THRB: variants seen among roughly 807,000 people sequenced by gnomAD.
THRB encodes thyroid hormone receptor beta, also known as nuclear receptor subfamily 1 group A member 2.
THRB carries 12 observed loss-of-function variants against 47.8 expected under a neutral mutation model. That is an observed-to-expected ratio of 0.25 (90% confidence interval 0.16 to 0.41). The LOEUF (loss-of-function observed/expected upper bound fraction) is 0.41, where lower values mean the gene tolerates loss of function less well. THRB is among the 10% of genes least tolerant of loss of function. THRB has a pLI of 1.00. For synonymous variants in THRB, 218 were observed against 212.2 expected (o/e 1.03, Z -0.24); for missense variants, 348 against 589.2 (o/e 0.59, Z 4.24).
intron 2 of THRB, among the ~76,000 whole-genome samples, chr3:24,297,669 G>A (rs2056562344): frequency 6.6e-6 from 1 of 152,242 alleles, no homozygotes; most frequent in Non-Finnish European, 1.5e-5. Flanking sequence ...CTCGCCTGCT[G>A]TTAAGTAGCT....
At chr3:24,188,216 T>C (rs533527434) in intron 5 of THRB, among the ~76,000 whole-genome samples, 1 of 152,350 alleles carries the variant, frequency 6.6e-6, no homozygotes, top group South Asian at 2.1e-4. Flanking sequence ...AAAGTATTTA[T>C]ATGACTTAAT....
At chr3:24,221,586 T>TTGTAAAGGGTGCCTTC (rs1366237105) in intron 4 of THRB, among the ~76,000 whole-genome samples, 5 of 152,098 alleles carry the variant, frequency 3.3e-5, no homozygotes, top group Admixed American at 3.3e-4. Flanking sequence ...GAAGCCAGCT[T>TTGTAAAGGGTGCCTTC]TGTAAAGGGT....
At chr3:24,199,637 A>C in intron 4 of THRB, among the ~76,000 whole-genome samples, 1 of 152,226 alleles carries the variant, frequency 6.6e-6, no homozygotes. Context: ...TGACTGCAGA[A>C]ACCTGAAATA....
chr3:24,368,562 G>T (rs2064659901), intron 1 of THRB, among the ~76,000 whole-genome samples: 1 of 152,172 alleles, frequency 6.6e-6, no homozygotes, highest in African/African-American at 2.4e-5. Flanking sequence ...GCTCTTTTGG[G>T]TGCGACAACT....
At chr3:24,160,425 C>G (rs2038623571) in intron 5 of THRB, among the ~76,000 whole-genome samples, 2 of 152,100 alleles carry the variant, frequency 1.3e-5, no homozygotes. Flanking sequence ...GAGGGTGAAC[C>G]TGGAGGGAAG....
At chr3:24,208,647 T>G (rs1312185534) in intron 4 of THRB, among the ~76,000 whole-genome samples, 2 of 152,226 alleles carry the variant, frequency 1.3e-5, no homozygotes, top group Admixed American at 1.3e-4. Flanking sequence ...GGTAGCCATA[T>G]GTAGAAAGCT....
chr3:24,125,963 C>A (rs1453712610), intron 10 of THRB, among the ~76,000 whole-genome samples: 1 of 152,046 alleles, frequency 6.6e-6, no homozygotes, highest in Non-Finnish European at 1.5e-5. Flanking sequence ...CCACAGTGTA[C>A]ATGGGAGTTC....
intron 4 of THRB, among the ~76,000 whole-genome samples, chr3:24,208,522 C>T (rs1449782436): frequency 6.6e-6 from 1 of 152,126 alleles, no homozygotes; most frequent in Non-Finnish European, 1.5e-5. Context: ...TGGAACAGAA[C>T]AGAGCCCTCA....
At chr3:24,296,746 G>A (rs139329055) in intron 3 of THRB, among the ~76,000 whole-genome samples, 1 of 152,292 alleles carries the variant, frequency 6.6e-6, no homozygotes, top group Admixed American at 6.5e-5. Context: ...CACCAAGGAG[G>A]GGGAGGATGT....
intron 4 of THRB, among the ~76,000 whole-genome samples, chr3:24,192,036 A>G (rs111789160): frequency 2.1e-3 from 320 of 152,252 alleles, no homozygotes; most frequent in African/African-American, 7.4e-3. Context: ...ATATAAACAT[A>G]GATTCTTCCT....
At chr3:24,243,568 G>A (rs1413482990) in intron 3 of THRB, among the ~76,000 whole-genome samples, 22 of 151,954 alleles carry the variant, frequency 1.4e-4, no homozygotes, top group Admixed American at 1.4e-3. Flanking sequence ...AAGTTCTCGG[G>A]ATGCCTATTT....
chr3:24,301,124 A>T (rs1049319295), intron 2 of THRB, among the ~76,000 whole-genome samples: 6 of 152,186 alleles, frequency 3.9e-5, no homozygotes, highest in Non-Finnish European at 7.4e-5. Flanking sequence ...GAGCCACCAG[A>T]CTCTGGAAGA....
chr3:24,134,527 G>A (rs370653673), intron 8 of THRB, among the ~76,000 whole-genome samples: 1 of 152,114 alleles, frequency 6.6e-6, no homozygotes, highest in African/African-American at 2.4e-5. Flanking sequence ...GATCAGAAAG[G>A]TTAAGAGCAA....
intron 3 of THRB, among the ~76,000 whole-genome samples, chr3:24,239,082 C>T (rs1252304453): frequency 1.3e-5 from 2 of 152,022 alleles, no homozygotes; most frequent in Non-Finnish European, 1.5e-5. Flanking sequence ...GTTGGAATTA[C>T]AGGCACAAGC....
rs1174687260 is a variant in THRB at position 24,326,756 on chromosome 3, C to CTTTTT, written c.-189+10539_-189+10543dup. Reference sequence around the variant, plus strand: ...TTCACTAGAAGCTGTCCAGTCTTGTCTTTTTTTTTTTTTTTTTTTTTTTTT... The same window carrying CTTTTT: ...TTCACTAGAAGCTGTCCAGTCTTGTCTTTTTTTTTTTTTTTTTTTTTTTTTTTTTT... On this transcript the variant is annotated intron_variant, in intron 2 of 10. Transcript: ENST00000646209. Among the ~76,000 whole-genome samples the CTTTTT allele has an allele frequency of 4.2e-4, 21 of 49,998 alleles. 2 individuals are homozygous for CTTTTT. Among genetic ancestry groups the CTTTTT allele is most frequent in the African/African-American group, 1.6e-3 (15 of 9,644 alleles). 32.8% of individuals were successfully genotyped at this position (49,998 alleles called of 152,430 possible). A position where few individuals can be genotyped will look rare whatever the true frequency, so the allele number is the denominator to read the frequency against.
At chr3:24,290,204 G>A (rs760900342) in intron 3 of THRB, among the ~76,000 whole-genome samples, 4 of 151,920 alleles carry the variant, frequency 2.6e-5, no homozygotes, top group East Asian at 1.9e-4. Context: ...GCTTAGTTAC[G>A]TTTCTTTTGA....
intron 3 of THRB, among the ~76,000 whole-genome samples, chr3:24,241,301 C>T (rs1256104195): frequency 1.3e-5 from 2 of 152,170 alleles, no homozygotes; most frequent in Admixed American, 1.3e-4. Flanking sequence ...CGTCTCCAGG[C>T]CTGGGCCCAA....
intron 4 of THRB, among the ~76,000 whole-genome samples, chr3:24,212,595 A>G (rs370921059): frequency 1.6e-4 from 24 of 150,392 alleles, no homozygotes; most frequent in Admixed American, 2.7e-4. Context: ...AAAAAAAAAA[A>G]AAAGAAAGAA....
At chr3:24,243,650 T>G (rs78891190) in intron 3 of THRB, among the ~76,000 whole-genome samples, 20 of 152,288 alleles carry the variant, frequency 1.3e-4, no homozygotes, top group Non-Finnish European at 2.4e-4. Flanking sequence ...CTTCCTCTCC[T>G]GTCTCTCTTT....
Sources: allele counts gnomAD v4.1 joint callset (sites outside exome capture counted in the v4.1 genomes callset), GRCh38; gene constraint gnomAD v4.1.1; transcripts MANE v1.5; gene names NCBI Gene and HGNC (gene_info 2026-07-23, HGNC 2026-07-21).